The following ACAT2 variants were observed in gnomAD, a reference collection of about 807,000 sequenced individuals.
The protein encoded by ACAT2 is acetyl-CoA acetyltransferase 2, also known as acetyl-CoA acetyltransferase, cytosolic.
In ACAT2, 26 loss-of-function variants were observed where a neutral mutation model predicts 37.1. The ratio of observed to expected loss-of-function variants is 0.70; its 90% CI spans 0.51 to 0.97. The LOEUF is 0.97. ACAT2 is among the 50% of genes least tolerant of loss of function. The pLI is 0.00. For synonymous variants in ACAT2, 156 were observed against 163.6 expected (o/e 0.95, Z 0.35); for missense variants, 468 against 489.0 (o/e 0.96, Z 0.40).
intron 2 of ACAT2, among the ~76,000 whole-genome samples, chr6:159,765,481 G>A (rs755616073): frequency 6.6e-6 from 1 of 151,810 alleles, no homozygotes; most frequent in Non-Finnish European, 1.5e-5. Flanking sequence ...CAGGCTGGTG[G>A]AGTGCAGCCG....
At chr6:159,778,357 T>G in intron 8 of ACAT2, 77 bp downstream of exon 8, 1 of 1,029,740 alleles carries the variant, frequency 9.7e-7, no homozygotes, top group Non-Finnish European at 1.4e-6. Context: ...CTTCTAGGTG[T>G]TGGCCATGTG....
At chr6:159,762,775 C>T (rs951411368) in intron 1 of ACAT2, 144 bp from the exon 2 acceptor site, 14 of 1,591,158 alleles carry the variant, frequency 8.8e-6, no homozygotes, top group African/African-American at 4.0e-5. Context: ...CTCAGACCAG[C>T]AGGTGTAGGA....
intron 4 of ACAT2, among the ~76,000 whole-genome samples, chr6:159,772,017 A>C (rs9347341): frequency 0.22 from 33,290 of 152,060 alleles, 3,817 homozygotes; most frequent in East Asian, 0.4. Flanking sequence ...TGAGGTCAGG[A>C]GATTGAGACC....
chr6:159,778,813 G>C lies in ACAT2; in HGVS notation c.1178G>C (p.Cys393Ser). The change falls in exon 9 of 9, where the codon TGT (cysteine) becomes TCT (serine). Residue 393 changes from cysteine to serine, a missense_variant. Physicochemically the swap from Cys to Ser is moderately radical, Grantham distance 112. Coordinates refer to ENST00000367048, the MANE Select transcript of ACAT2 (RefSeq NM_005891.3). ...CIGGGMGIAM[C>S]VQRE ...GGGGGTGGGATGGGAATAGCAATGTGTGTTCAGAGAGAATGAATTGCTTAA... is the reference window on the plus strand; with the variant it reads ...GGGGGTGGGATGGGAATAGCAATGTCTGTTCAGAGAGAATGAATTGCTTAA... 1 of 1,614,180 alleles carries C rather than the reference G, an allele frequency of 6.2e-7. No homozygotes were observed. Among genetic ancestry groups the C allele is most frequent in the Non-Finnish European group, 8.5e-7 (1 of 1,180,036 alleles).
chr6:159,777,528 T>C (rs768088070), intron 7 of ACAT2, 72 bp downstream of exon 7: 59 of 1,456,674 alleles, frequency 4.1e-5, no homozygotes, highest in Non-Finnish European at 5.1e-5. Context: ...TTCATGTAGT[T>C]AGCTCTAGTC....
At chr6:159,772,624 A>T (rs533527255) in intron 4 of ACAT2, among the ~76,000 whole-genome samples, 4 of 152,112 alleles carry the variant, frequency 2.6e-5, no homozygotes, top group Non-Finnish European at 4.4e-5. Context: ...TTCTAGAAGT[A>T]TATATAAGAG....
In ACAT2 at chr6:159,766,910, G is replaced by T. The variant is rs1043359800; in HGVS notation, c.191-95G>T. 18 of 1,466,406 alleles carry T rather than the reference G, an allele frequency of 1.2e-5. No individual in the cohort carries two copies. In the African/African-American group the frequency reaches 2.1e-4, roughly 17 times the overall value. 90.8% of individuals were successfully genotyped at this position (1,466,406 alleles called of 1,614,324 possible). On this transcript the variant is annotated intron_variant, in intron 2 of 8. Transcript: ENST00000367048. ...CTTGACCTGTAGGCTTTCAGAAGTG[G>T]CAGGTAACCCAACTGGCAATTTTCC... is the stretch of plus-strand genomic sequence containing the variant.
intron 4 of ACAT2, among the ~76,000 whole-genome samples, chr6:159,770,924 A>C (rs1386680145): frequency 6.6e-6 from 1 of 152,078 alleles, no homozygotes; most frequent in East Asian, 1.9e-4. Context: ...AATGAGCTGG[A>C]TGTGGTGGCC....
At chr6:159,768,487 TC>T (rs770611620) in intron 3 of ACAT2, 23 bp from the exon 4 acceptor site, 2 of 1,528,006 alleles carry the variant, frequency 1.3e-6, no homozygotes, top group Non-Finnish European at 1.8e-6. Context: ...TAAGCCTAAA[TC>T]CATTTTTATT....
Position 159,763,629 on chromosome 6 carries a change from CTTTTTTTTTTTTTTTTT to C in ACAT2, c.190+588_190+604del, listed in dbSNP as rs765044833. ...ACCACCTACACTGCCTTTTCTTTTC[CTTTTTTTTTTTTTTTTT>C]TTTTTTTTTTTGAGACGGAGTCTCT... On this transcript the variant is annotated intron_variant, in intron 2 of 8. Transcript: ENST00000367048. 1.6e-4 allele frequency among the ~76,000 whole-genome samples: 12 copies of C among 76,408 alleles called. No individual in the cohort carries two copies. The Admixed American group carries it at 2.2e-3, about 14-fold the overall frequency. The allele number at this position is 76,408 out of a possible 152,430, so 50.1% of individuals were successfully genotyped here.
At chr6:159,770,178 C>G (rs1207714389) in intron 4 of ACAT2, among the ~76,000 whole-genome samples, 1 of 152,142 alleles carries the variant, frequency 6.6e-6, no homozygotes, top group Non-Finnish European at 1.5e-5. Context: ...AAACAAAACT[C>G]AATATATTCT....
chr6:159,771,722 T>TACACTACAAGAA (rs1780339916), intron 4 of ACAT2, among the ~76,000 whole-genome samples: 1 of 151,278 alleles, frequency 6.6e-6, no homozygotes, highest in Non-Finnish European at 1.5e-5. Flanking sequence ...CCTGCACACC[T>TACACTACAAGAA]ACACTACAAG....
At chr6:159,778,582 G>C in intron 8 of ACAT2, 77 bp from the exon 9 acceptor site, 3 of 1,495,936 alleles carry the variant, frequency 2.0e-6, no homozygotes, top group Non-Finnish European at 2.7e-6. Flanking sequence ...GATACATTAA[G>C]AGGAAAAAGA....
intron 2 of ACAT2, among the ~76,000 whole-genome samples, chr6:159,765,488 G>A (rs1189458102): frequency 1.3e-5 from 2 of 151,682 alleles, no homozygotes; most frequent in African/African-American, 4.8e-5. Context: ...GTGGAGTGCA[G>A]CCGTACAATC....
intron 1 of ACAT2, chr6:159,762,462 C>T (rs779010715): frequency 7.3e-5 from 97 of 1,334,338 alleles, no homozygotes; most frequent in Non-Finnish European, 8.9e-5. Flanking sequence ...GATTGGCCGG[C>T]TCCGGGAGGC....
In ACAT2 at chr6:159,766,465, G is replaced by A. The variant is rs911212949; in HGVS notation, c.191-540G>A. ...TGCCCAGGCTGGAGTGTAATGGTGT[G>A]ATCTCAGCTCACCGCAACCTCCGCT... On this transcript the variant is annotated intron_variant, in intron 2 of 8. Coordinates refer to ENST00000367048, the MANE Select transcript of ACAT2 (RefSeq NM_005891.3). Among the ~76,000 whole-genome samples, 6 of 151,708 alleles carry A rather than the reference G, an allele frequency of 4.0e-5. No individual in the cohort carries two copies. The East Asian group carries it at 1.2e-3, about 29-fold the overall frequency.
chr6:159,775,583 ACTGGCT>A (rs1780400294), intron 5 of ACAT2: 1 of 346,652 alleles, frequency 2.9e-6, no homozygotes, highest in African/African-American at 2.1e-5. Context: ...AAGCTGGAGC[ACTGGCT>A]CATGGTTGTT....
chr6:159,762,387 G>A (rs2114972523), intron 1 of ACAT2: 1 of 1,376,358 alleles, frequency 7.3e-7, no homozygotes, highest in Non-Finnish European at 9.5e-7. Flanking sequence ...TCCCGGGGTA[G>A]AGCCATCGCG....
chr6:159,762,856 G>C, intron 1 of ACAT2, 63 bp from the exon 2 acceptor site: 2 of 1,597,546 alleles, frequency 1.3e-6, no homozygotes, highest in Non-Finnish European at 8.5e-7. Context: ...TCCCCTGCTC[G>C]TAGGTGGTTC....
Sources: gnomAD v4.1 joint callset for allele counts (sites outside exome capture counted in the v4.1 genomes callset) on GRCh38, gnomAD v4.1.1 for gene constraint, MANE v1.5 for transcripts, NCBI Gene and HGNC (gene_info 2026-07-23, HGNC 2026-07-21) for gene names.